Variants in VPS13B observed in about 807,000 individuals in gnomAD.
The protein encoded by VPS13B is vacuolar protein sorting 13 homolog B.
A neutral mutation model predicts 426.4 loss-of-function variants in VPS13B; 285 were observed. That is an observed-to-expected ratio of 0.67 (90% confidence interval 0.61 to 0.74). VPS13B has a LOEUF of 0.74. Among genes scored for constraint, VPS13B ranks in the 30% least tolerant of loss-of-function variants. The probability of loss-of-function intolerance (pLI) is 0.00; values close to 1 mark genes in which losing one functional copy is unlikely to be tolerated. For missense variants in VPS13B, 4,537 were observed against 4,782.6 expected (o/e 0.95, Z 1.51); for synonymous variants, 1,676 against 1,676.4 (o/e 1.00, Z 0.01).
intron 1 of VPS13B, 144 bp from the exon 2 acceptor site, chr8:99,013,615 TG>T: frequency 1.4e-6 from 1 of 694,692 alleles, no homozygotes; most frequent in Non-Finnish European, 2.5e-6. Context: ...CAGCTGGAGC[TG>T]GGAGTCCGCT....
In VPS13B at chr8:99,511,475, T is replaced by C. The variant is rs1198827619; in HGVS notation, c.4596T>C (p.Phe1532=). 1 of 1,612,512 alleles carries C rather than the reference T, an allele frequency of 6.2e-7. No individual in the cohort carries two copies. The highest frequency in any genetic ancestry group is 1.7e-5 in the Admixed American group (1 of 59,830). ...IYVNTSVIRI[F]IPKTEEMQPT... ...TCAACACAAGTGTAATCAGAATTTT[T>C]ATTCCAAAAACAGAAGAAATGCAGC... Residue 1532 remains phenylalanine (F), a synonymous_variant, in exon 29 of 62, where the codon TTT becomes TTC. Transcript: ENST00000357162.
chr8:99,024,308 G>GTATGT (rs1842038074), intron 2 of VPS13B, among the ~76,000 whole-genome samples: 6 of 152,206 alleles, frequency 3.9e-5, no homozygotes, highest in African/African-American at 1.4e-4. Flanking sequence ...GTGTGCTATT[G>GTATGT]AGTTGTTTGA....
chr8:99,206,729 A>G (rs1814745544), intron 17 of VPS13B, among the ~76,000 whole-genome samples: 2 of 152,184 alleles, frequency 1.3e-5, no homozygotes, highest in South Asian at 4.1e-4. Context: ...TATTCTTCCC[A>G]GGTGTGCATA....
At chr8:99,492,427 G>A (rs1312869208) in intron 25 of VPS13B, among the ~76,000 whole-genome samples, 1 of 152,254 alleles carries the variant, frequency 6.6e-6, no homozygotes, top group Non-Finnish European at 1.5e-5. Context: ...GTTTAAGCCT[G>A]CAGAAGTTGT....
intron 30 of VPS13B, among the ~76,000 whole-genome samples, chr8:99,544,645 A>C (rs1402163512): frequency 6.6e-6 from 1 of 152,146 alleles, no homozygotes; most frequent in Non-Finnish European, 1.5e-5. Flanking sequence ...TTAAATAAGT[A>C]AAATACCACT....
In VPS13B at chr8:99,859,347, C is replaced by A. The variant is rs1816711164; in HGVS notation, c.10911C>A (p.Ser3637Arg). Residue 3637 changes from serine (S) to arginine (R), a missense_variant, in exon 57 of 62, where the codon AGC becomes AGA. By Grantham distance (110) the Ser-to-Arg change is moderately radical (BLOSUM62 -1). This residue lies in a region of VPS13B where 4,311 missense variants were observed against 4,474.3 expected (regional missense o/e 0.96). Transcript: ENST00000357162. ...GSLDILGSPA[S>R]LVRSIGNGVA... ...TGGATATTCTTGGCAGCCCTGCAAGCCTGGTGAGAAGCATCGGGAACGGGG... is the reference window on the plus strand; with the variant it reads ...TGGATATTCTTGGCAGCCCTGCAAGACTGGTGAGAAGCATCGGGAACGGGG... 2 of 1,613,886 alleles carry A rather than the reference C, an allele frequency of 1.2e-6. No homozygotes were observed.
Position 99,167,004 on chromosome 8 carries a change from A to G in VPS13B, c.2209-3035A>G, listed in dbSNP as rs1043155696. On this transcript the variant is annotated intron_variant, in intron 15 of 61. Coordinates refer to ENST00000357162, the MANE Select transcript of VPS13B (RefSeq NM_152564.5). ...GGAGGAAATAGAGGAAGGAAGGAAG[A>G]TCGGGTGAAATTTTGAGTTAATAGA... Among the ~76,000 whole-genome samples the G allele has an allele frequency of 4.6e-5, 7 of 152,306 alleles. No individual in the cohort carries two copies. The East Asian group carries it at 1.3e-3, about 29-fold the overall frequency.
At chr8:99,221,251 G>A (rs930575295) in intron 17 of VPS13B, among the ~76,000 whole-genome samples, 1 of 147,020 alleles carries the variant, frequency 6.8e-6, no homozygotes. Flanking sequence ...ATAAACATAC[G>A]TGTGCATGTG....
Position 99,058,966 on chromosome 8 carries a change from T to C in VPS13B, c.291+20400T>C, listed in dbSNP as rs141856502. On this transcript the variant is annotated intron_variant, in intron 3 of 61. Transcript: ENST00000357162. ...AGGATAATACAGAAAGTAGGCATAGTACATTGTGTGTAAACCACATAGAAA... is the reference window on the plus strand; with the variant it reads ...AGGATAATACAGAAAGTAGGCATAGCACATTGTGTGTAAACCACATAGAAA... Among the ~76,000 whole-genome samples the C allele has an allele frequency of 6.3e-3, 962 of 152,366 alleles. 8 individuals are homozygous for C. The highest frequency in any genetic ancestry group is 0.022 in the African/African-American group (903 of 41,584).
chr8:99,499,719 A>G (rs1172440182), intron 25 of VPS13B, among the ~76,000 whole-genome samples: 2 of 152,188 alleles, frequency 1.3e-5, no homozygotes. Context: ...TTATATGAAA[A>G]CTGCACAAAC....
intron 3 of VPS13B, among the ~76,000 whole-genome samples, chr8:99,053,984 G>A (rs1395670506): frequency 3.3e-5 from 5 of 152,186 alleles, no homozygotes; most frequent in African/African-American, 7.2e-5. Context: ...GATTACGGGC[G>A]TGAGCCACCA....
At chr8:99,294,012 C>T (rs1819889684) in intron 19 of VPS13B, among the ~76,000 whole-genome samples, 1 of 112,474 alleles carries the variant, frequency 8.9e-6, no homozygotes, top group Admixed American at 8.4e-5. Flanking sequence ...ACTAGAAATA[C>T]CATTTGACCC....
At chr8:99,168,837 G>C (rs1812166866) in intron 15 of VPS13B, among the ~76,000 whole-genome samples, 1 of 152,046 alleles carries the variant, frequency 6.6e-6, no homozygotes, top group East Asian at 1.9e-4. Flanking sequence ...TACATAAGTA[G>C]GTTCTTTGAA....
chr8:99,874,369 A>T (rs1434921334), intron 61 of VPS13B, among the ~76,000 whole-genome samples: 1 of 152,212 alleles, frequency 6.6e-6, no homozygotes, highest in Non-Finnish European at 1.5e-5. Flanking sequence ...TAAAAACACA[A>T]GATTCAAACT....
At chr8:99,575,490 T>C (rs1261562092) in intron 31 of VPS13B, among the ~76,000 whole-genome samples, 168 bp from the exon 32 acceptor site, 2 of 152,200 alleles carry the variant, frequency 1.3e-5, no homozygotes, top group African/African-American at 4.8e-5. Context: ...GTAAATCTTA[T>C]GGAATTGAAG....
intron 7 of VPS13B, among the ~76,000 whole-genome samples, chr8:99,117,909 T>G (rs924440928): frequency 2.0e-5 from 3 of 152,162 alleles, no homozygotes; most frequent in African/African-American, 7.2e-5. Context: ...TTGTACACCT[T>G]TAAATGTTGA....
chr8:99,339,681 A>G (rs1270060552), intron 19 of VPS13B, among the ~76,000 whole-genome samples: 1 of 152,096 alleles, frequency 6.6e-6, no homozygotes. Context: ...GTTTTACGGA[A>G]AGGGAACCAT....
intron 56 of VPS13B, among the ~76,000 whole-genome samples, chr8:99,856,104 G>T (rs1816530907): frequency 6.6e-6 from 1 of 152,224 alleles, no homozygotes; most frequent in Non-Finnish European, 1.5e-5. Context: ...GGGCCCTGCA[G>T]CCCGTGTGCT....
chr8:99,135,855 A>G, intron 11 of VPS13B, 122 bp downstream of exon 11: 2 of 1,336,816 alleles, frequency 1.5e-6, no homozygotes, highest in Non-Finnish European at 2.1e-6. Context: ...TGTTTATTAA[A>G]ACATTTAGAA....
Sources: gnomAD v4.1 joint callset for allele counts (sites outside exome capture counted in the v4.1 genomes callset) on GRCh38, gnomAD v4.1.1 for gene constraint, gnomAD v4.1.1 regional missense constraint, MANE v1.5 for transcripts, NCBI Gene and HGNC (gene_info 2026-07-23, HGNC 2026-07-21) for gene names.